The following ANXA4 variants were observed in gnomAD, a reference collection of about 807,000 sequenced individuals.
ANXA4 encodes the protein annexin A4.
A neutral mutation model predicts 49.8 loss-of-function variants in ANXA4; 39 were observed. The observed-to-expected ratio is 0.78, with a 90% CI of 0.61 to 1.02. The LOEUF (loss-of-function observed/expected upper bound fraction) is 1.02. ANXA4 is among the 50% of genes least tolerant of loss of function. The pLI, the probability that ANXA4 is intolerant of heterozygous loss-of-function variation, is 0.00. For synonymous variants in ANXA4, 134 were observed against 152.5 expected, an observed-to-expected ratio of 0.88 and a Z score of 0.89; for missense variants, 360 against 410.1, an observed-to-expected ratio of 0.88 and a Z score of 1.05.
chr2:69,810,770 A>C, intron 7 of ANXA4, 97 bp downstream of exon 7: 1 of 946,406 alleles, frequency 1.1e-6, no homozygotes, highest in Admixed American at 1.8e-5. Context: ...TGACATGTGG[A>C]TATTCCCCAG....
chr2:69,787,952 C>T, intron 2 of ANXA4, 102 bp from the exon 3 acceptor site: 1 of 988,254 alleles, frequency 1.0e-6, no homozygotes, highest in Non-Finnish European at 1.6e-6. Context: ...CCTAGAATAC[C>T]ATCTAGGCTA....
At chr2:69,691,202 C>T (rs891572270) in intron 2 of ANXA4, among the ~76,000 whole-genome samples, 1 of 151,804 alleles carries the variant, frequency 6.6e-6, no homozygotes, top group African/African-American at 2.4e-5. Context: ...CGGCTCACTG[C>T]AACCTCTGCC....
At chr2:69,731,982 T>TTC (rs1339159168) in intron 3 of ANXA4, among the ~76,000 whole-genome samples, 76 of 141,516 alleles carry the variant, frequency 5.4e-4, no homozygotes, top group Admixed American at 7.0e-5. Flanking sequence ...TTTTCTTTCT[T>TTC]TTTTTTTTTT....
At chr2:69,819,440 CCAATT>C (rs755032731) in intron 11 of ANXA4, 102 bp downstream of exon 11, 47 of 793,138 alleles carry the variant, frequency 5.9e-5, no homozygotes, top group Non-Finnish European at 8.7e-5. Context: ...TCTGAAAGAT[CCAATT>C]CAATTCATCA....
Position 69,705,080 on chromosome 2 carries a change from A to G in ANXA4, n.767-15694A>G, listed in dbSNP as rs544245731. Among the ~76,000 whole-genome samples the G allele has an allele frequency of 3.0e-4, 46 of 152,132 alleles. No individual in the cohort carries two copies. In the East Asian group the frequency reaches 8.1e-3, roughly 27 times the overall value. On this transcript the variant is annotated intron_variant and non_coding_transcript_variant, in intron 2 of 3. Transcript: ENST00000418066. ...GGAGGAGGATCACTGGAGGCCAGGAATTTGAGACCAGCCTGGGTGACATAG... is the reference window on the plus strand; with the variant it reads ...GGAGGAGGATCACTGGAGGCCAGGAGTTTGAGACCAGCCTGGGTGACATAG...
chr2:69,768,229 C>T (rs1259937825), intron 1 of ANXA4, among the ~76,000 whole-genome samples: 2 of 152,176 alleles, frequency 1.3e-5, no homozygotes, highest in African/African-American at 4.8e-5. Flanking sequence ...AGTGACAAAA[C>T]ACATAAGCAT....
rs1480767395 is a variant in ANXA4 at position 69,816,289 on chromosome 2, G to A, written c.628+95G>A. ...GTTGATAACCTTCCTCCTTCAGTTG[G>A]TACAAAGAACTGATTGTACCCAAGT... On this transcript the variant is annotated intron_variant, in intron 9 of 12. Coordinates refer to ENST00000394295, the MANE Select transcript of ANXA4 (RefSeq NM_001153.5). 3.0e-6 allele frequency: 3 copies of A among 1,007,078 alleles called. No individual in the cohort carries two copies. In the African/African-American group the frequency reaches 4.7e-5, roughly 16 times the overall value. The allele number at this position is 1,007,078 out of a possible 1,614,324, so 62.4% of individuals were successfully genotyped here. A position where few individuals can be genotyped will look rare whatever the true frequency, so the allele number is the denominator to read the frequency against.
At chr2:69,741,463 A>C (rs1339008158), upstream of ANXA4, among the ~76,000 whole-genome samples, 1 of 152,228 alleles carries the variant, frequency 6.6e-6, no homozygotes, top group African/African-American at 2.4e-5. Context: ...ACAGGAGTAC[A>C]AAGATCCGGG....
rs142329320 is a variant in ANXA4, at chr2:69,704,398, G to A, written n.767-16376G>A. ...CAAAACAAACCACCCAATACTTAGC[G>A]TCTTAAAATAAGAAACATTATTTCT... On this transcript the variant is annotated intron_variant and non_coding_transcript_variant, in intron 2 of 3. Transcript: ENST00000418066. 8.0e-3 allele frequency among the ~76,000 whole-genome samples: 1,223 copies of A among 152,232 alleles called. 14 individuals are homozygous for A. The highest frequency in any genetic ancestry group is 0.028 in the African/African-American group (1,148 of 41,526).
chr2:69,751,703 A>C (rs13418156), intron 1 of ANXA4, among the ~76,000 whole-genome samples: 2,195 of 152,116 alleles, frequency 0.014, 54 homozygotes, highest in African/African-American at 0.05. Context: ...AGTGGAGAGC[A>C]GAGGCTGAAT....
chr2:69,778,394 G>A (rs1672047734), intron 1 of ANXA4, among the ~76,000 whole-genome samples: 1 of 152,200 alleles, frequency 6.6e-6, no homozygotes, highest in Admixed American at 6.5e-5. Context: ...AAGTTACAAT[G>A]CATCTCTACA....
rs1341497340 is a variant in ANXA4, at chr2:69,787,933, CCCCTAGCACCTAGAAT to C, written c.10-120_10-105del. The C allele has an allele frequency of 1.3e-5, 11 of 814,876 alleles. No individual in the cohort carries two copies. In the African/African-American group the frequency reaches 1.8e-4, roughly 14 times the overall value. The allele number at this position is 814,876 out of a possible 1,614,324, so 50.5% of individuals were successfully genotyped here. A position where few individuals can be genotyped will look rare whatever the true frequency, so the allele number is the denominator to read the frequency against. ...TTAATTTTTCATGGTCACTACTGTA[CCCCTAGCACCTAGAAT>C]ACCATCTAGGCTATGGTCAGTGCTC... On this transcript the variant is annotated intron_variant, in intron 2 of 12. Coordinates refer to ENST00000394295, the MANE Select transcript of ANXA4 (RefSeq NM_001153.5).
At position 69,667,826 on chromosome 2, in the gene ANXA4, G is replaced by A. The variant is rs183099669; in HGVS notation, n.766+14544G>A. On this transcript the variant is annotated intron_variant and non_coding_transcript_variant, in intron 2 of 3. Coordinates refer to the ANXA4 transcript ENST00000418066. ...GCTGCTGCACCCGGAATCAGCAGTT[G>A]ATCTTGGCTGGGCTCTCTTGTGTAT... Among the ~76,000 whole-genome samples the A allele has an allele frequency of 4.4e-4, 67 of 152,322 alleles. 1 individual carries two copies. In the East Asian group the frequency reaches 0.012, roughly 27 times the overall value.
intron 12 of ANXA4, among the ~76,000 whole-genome samples, chr2:69,821,687 AGT>A (rs1674251381): frequency 6.6e-6 from 1 of 151,972 alleles, no homozygotes; most frequent in Admixed American, 6.5e-5. Flanking sequence ...CCTGACCTCA[AGT>A]GATCCACCCG....
intron 2 of ANXA4, among the ~76,000 whole-genome samples, chr2:69,707,947 C>T (rs1293575316): frequency 6.6e-6 from 1 of 152,174 alleles, no homozygotes; most frequent in African/African-American, 2.4e-5. Flanking sequence ...TTTATGTAAA[C>T]GAAGTTACAC....
intron 9 of ANXA4, chr2:69,818,275 A>G (rs1416161880): frequency 5.8e-6 from 1 of 172,808 alleles, no homozygotes; most frequent in Non-Finnish European, 1.2e-5. Flanking sequence ...ACACAAAAAG[A>G]CACATTCTGC....
chr2:69,805,071 A>AAAAAAAAAC (rs1673385454), intron 4 of ANXA4, among the ~76,000 whole-genome samples: 1 of 150,198 alleles, frequency 6.7e-6, no homozygotes, highest in African/African-American at 2.5e-5. Context: ...AAAAAAAAAA[A>AAAAAAAAAC]AGAATAGCGA....
chr2:69,737,073 G>C (rs1678570153), upstream of ANXA4, among the ~76,000 whole-genome samples: 1 of 149,068 alleles, frequency 6.7e-6, no homozygotes. Flanking sequence ...AGAGTGCTGG[G>C]ATTACAGGTG....
At chr2:69,683,415 A>G (rs1257713929) in intron 2 of ANXA4, among the ~76,000 whole-genome samples, 5 of 152,224 alleles carry the variant, frequency 3.3e-5, no homozygotes, top group Non-Finnish European at 5.9e-5. Flanking sequence ...ATAAGATCTC[A>G]GTTCAGATAG....
Sources: gnomAD v4.1 joint callset for allele counts (sites outside exome capture counted in the v4.1 genomes callset) on GRCh38, gnomAD v4.1.1 for gene constraint, MANE v1.5 for transcripts, NCBI Gene and HGNC (gene_info 2026-07-23, HGNC 2026-07-21) for gene names.